SPAG16: variants seen among roughly 807,000 people sequenced by gnomAD.
The protein encoded by SPAG16 is sperm associated antigen 16.
SPAG16 carries 86 observed loss-of-function variants against 80.4 expected under a neutral mutation model. That is an observed-to-expected ratio of 1.07 (90% confidence interval 0.90 to 1.28). SPAG16 has a LOEUF of 1.28. SPAG16 is among the 50% of genes most tolerant of loss of function. The probability of loss-of-function intolerance (pLI) is 0.00; values close to 1 mark genes in which losing one functional copy is unlikely to be tolerated. For missense variants in SPAG16, 870 were observed against 765.3 expected (o/e 1.14, Z -1.61); for synonymous variants, 294 against 265.9 (o/e 1.11, Z -1.03).
chr2:213,752,664 T>G (rs1378680912), intron 10 of SPAG16, among the ~76,000 whole-genome samples: 7 of 152,346 alleles, frequency 4.6e-5, no homozygotes, highest in African/African-American at 1.4e-4. Flanking sequence ...TGCTGCCTTC[T>G]TACTCTTTTT....
intron 10 of SPAG16, among the ~76,000 whole-genome samples, chr2:213,501,203 C>T (rs2074728587): frequency 6.6e-6 from 1 of 152,072 alleles, no homozygotes; most frequent in South Asian, 2.1e-4. Flanking sequence ...TTGCAGATGC[C>T]ATTGACAAGT....
At chr2:213,487,623 C>T (rs908234152) in intron 9 of SPAG16, among the ~76,000 whole-genome samples, 7 of 152,044 alleles carry the variant, frequency 4.6e-5, no homozygotes, top group African/African-American at 1.4e-4. Context: ...AATAGTTGTT[C>T]AGTTATCATT....
intron 12 of SPAG16, among the ~76,000 whole-genome samples, chr2:213,932,175 TA>T (rs1559602447): frequency 9.9e-4 from 26 of 26,158 alleles, no homozygotes; most frequent in South Asian, 4.9e-3. Context: ...TATATATATA[TA>T]TATATATATA....
intron 10 of SPAG16, among the ~76,000 whole-genome samples, chr2:213,813,723 T>C (rs2072328776): frequency 6.6e-6 from 1 of 152,054 alleles, no homozygotes; most frequent in Admixed American, 6.6e-5. Context: ...AAGGGAAAAA[T>C]TCCTTTGAGT....
At chr2:213,323,909 T>A (rs1304400162) in intron 5 of SPAG16, among the ~76,000 whole-genome samples, 1 of 152,144 alleles carries the variant, frequency 6.6e-6, no homozygotes, top group Admixed American at 6.5e-5. Flanking sequence ...TCCCCATATA[T>A]GAGGTATTTA....
chr2:213,889,730 C>CAT (rs996087436), intron 11 of SPAG16, among the ~76,000 whole-genome samples: 52 of 146,206 alleles, frequency 3.6e-4, no homozygotes, highest in African/African-American at 1.0e-3. Context: ...TATATATATA[C>CAT]ATATATATAT....
At position 213,340,111 on chromosome 2, in the gene SPAG16, T is replaced by G; in HGVS notation, c.537-52T>G. 3 of 1,223,450 alleles carry G rather than the reference T, an allele frequency of 2.5e-6. No homozygotes were observed. In the Admixed American group the frequency reaches 6.0e-5, roughly 25 times the overall value. 75.8% of individuals were successfully genotyped at this position (1,223,450 alleles called of 1,614,324 possible). On this transcript the variant is annotated intron_variant, in intron 5 of 15. Transcript: ENST00000331683. ...TGGATTTGAACTCAAGACTAAATAA[T>G]TTTTCGAAAAAGAATTAGCAGTGAT...
At chr2:213,608,141 C>A (rs913623423) in intron 10 of SPAG16, among the ~76,000 whole-genome samples, 2 of 151,936 alleles carry the variant, frequency 1.3e-5, no homozygotes, top group Non-Finnish European at 2.9e-5. Flanking sequence ...AGGTGGTGTT[C>A]ACAACCATGA....
At chr2:213,699,764 T>C (rs1191642974) in intron 10 of SPAG16, among the ~76,000 whole-genome samples, 1 of 152,238 alleles carries the variant, frequency 6.6e-6, no homozygotes, top group East Asian at 1.9e-4. Flanking sequence ...GGCCACTGTG[T>C]CCTGATGTGA....
At chr2:213,968,769 G>A (rs776134151) in intron 12 of SPAG16, among the ~76,000 whole-genome samples, 6 of 152,196 alleles carry the variant, frequency 3.9e-5, no homozygotes, top group Non-Finnish European at 5.9e-5. Flanking sequence ...TTTGTAAAAT[G>A]TGAATCATAA....
Position 214,306,555 on chromosome 2 carries a change from T to C in SPAG16, c.1721-103585T>C, listed in dbSNP as rs116825770. ...ATTATTTTGAGGTATGTGTCTTCAA[T>C]ACCTCGTTTATTGGAGAGTTTTTAG... On this transcript the variant is annotated intron_variant, in intron 15 of 15. Transcript: ENST00000331683. 4.5e-3 allele frequency among the ~76,000 whole-genome samples: 691 copies of C among 152,338 alleles called. 4 individuals carry two copies. Among genetic ancestry groups the C allele is most frequent in the African/African-American group, 0.016 (656 of 41,588 alleles).
At chr2:213,738,548 T>A (rs923611939) in intron 10 of SPAG16, among the ~76,000 whole-genome samples, 1 of 152,178 alleles carries the variant, frequency 6.6e-6, no homozygotes, top group African/African-American at 2.4e-5. Context: ...TATAAAATTT[T>A]AAAAATGAGA....
chr2:213,640,590 G>A (rs941381477), intron 10 of SPAG16, among the ~76,000 whole-genome samples: 19 of 152,264 alleles, frequency 1.2e-4, no homozygotes, highest in African/African-American at 4.3e-4. Flanking sequence ...AGAGTTCTGT[G>A]ATGTGATCTG....
chr2:214,399,604 G>T (rs1416932752), intron 15 of SPAG16, among the ~76,000 whole-genome samples: 6 of 151,966 alleles, frequency 3.9e-5, no homozygotes, highest in Admixed American at 2.6e-4. Context: ...CTGACTTTTA[G>T]AGTCTTAAAA....
At chr2:214,315,396 T>C (rs4525639) in intron 15 of SPAG16, among the ~76,000 whole-genome samples, 14,017 of 152,250 alleles carry the variant, frequency 0.092, 772 homozygotes, top group Middle Eastern at 0.15. Context: ...GGCATTCAGA[T>C]GGAAGAAAAA....
intron 10 of SPAG16, among the ~76,000 whole-genome samples, chr2:213,847,608 C>A (rs751717709): frequency 5.9e-5 from 9 of 152,172 alleles, no homozygotes; most frequent in Non-Finnish European, 1.3e-4. Context: ...CTACACCAGG[C>A]CCCACCTTCA....
At chr2:214,255,943 A>G (rs1010988373) in intron 15 of SPAG16, among the ~76,000 whole-genome samples, 24 of 151,922 alleles carry the variant, frequency 1.6e-4, no homozygotes, top group African/African-American at 5.3e-4. Flanking sequence ...ATAGTCTCTC[A>G]TGAAAGTGTT....
intron 8 of SPAG16, 45 bp from the exon 9 acceptor site, chr2:213,374,965 C>T (rs369550586): frequency 6.8e-5 from 94 of 1,387,898 alleles, no homozygotes; most frequent in East Asian, 2.3e-4. Context: ...CATTTTATAC[C>T]GATAAACAGT....
At chr2:213,724,432 T>C (rs2066662171) in intron 10 of SPAG16, among the ~76,000 whole-genome samples, 1 of 152,084 alleles carries the variant, frequency 6.6e-6, no homozygotes, top group Non-Finnish European at 1.5e-5. Context: ...TTTAAAATGC[T>C]AAAATTAAAA....
Sources: gnomAD v4.1 joint callset for allele counts (sites outside exome capture counted in the v4.1 genomes callset) on GRCh38, gnomAD v4.1.1 for gene constraint, MANE v1.5 for transcripts, NCBI Gene and HGNC (gene_info 2026-07-23, HGNC 2026-07-21) for gene names.